The following CDC37 variants were observed in gnomAD, a reference collection of about 807,000 sequenced individuals.
CDC37 encodes cell division cycle 37, HSP90 cochaperone, also known as hsp90 co-chaperone Cdc37.
Under a neutral mutation model 46.9 loss-of-function variants are expected in CDC37, and 9 were observed. The observed-to-expected ratio is 0.19, with a 90% confidence interval of 0.12 to 0.33. CDC37 has a LOEUF of 0.33. Ranked by LOEUF, CDC37 falls within the 10% of genes least tolerant of loss-of-function variation. The pLI, the probability that CDC37 is intolerant of heterozygous loss-of-function variation, is 1.00. For synonymous variants in CDC37, 193 were observed against 191.0 expected (o/e 1.01, Z -0.09); for missense variants, 388 against 514.6 (o/e 0.75, Z 2.38).
chr19:10,397,243 T>G (rs950051590), intron 1 of CDC37, among the ~76,000 whole-genome samples: 30 of 139,754 alleles, frequency 2.1e-4, no homozygotes, highest in African/African-American at 5.5e-4. Context: ...CAAATGCTTG[T>G]TTTTTTTTTT....
rs2042502753 is a variant in CDC37 at position 10,398,459 on chromosome 19, C to A, written c.103-2256G>T. Among the ~76,000 whole-genome samples the A allele has an allele frequency of 1.3e-5, 2 of 152,254 alleles. No homozygotes were observed. Among genetic ancestry groups the A allele is most frequent in the Non-Finnish European group, 2.9e-5 (2 of 68,044 alleles). On this transcript the variant is annotated intron_variant, in intron 1 of 7. Coordinates refer to ENST00000222005, the MANE Select transcript of CDC37 (RefSeq NM_007065.4). This position sits in a 1 kb window ranked among gnomAD's most constrained non-coding sequence, Gnocchi z 4.2. ...CTGGAGGACAGCCTTGGGGCAACGG[C>A]CCCTGGGTCCTAGCCCACAGCCACC...
In CDC37 at chr19:10,393,226, T is replaced by A. The variant is rs1225791853; in HGVS notation, c.909+33A>T. The stretch of plus-strand genomic sequence containing the variant: ...GCCCTGGGGGGTCCCGCTCAGGGTC[T>A]TCCTGCTGCCCGCCTGGGCCGGGGA... On this transcript the variant is annotated intron_variant, in intron 6 of 7. Coordinates refer to ENST00000222005, the MANE Select transcript of CDC37 (RefSeq NM_007065.4). This position sits in a 1 kb window ranked among gnomAD's most constrained non-coding sequence, Gnocchi z 4.9. 1 of 1,612,908 alleles carries A rather than the reference T, an allele frequency of 6.2e-7. No individual in the cohort carries two copies. The highest frequency in any genetic ancestry group is 2.2e-5 in the East Asian group (1 of 44,872).
intron 7 of CDC37, among the ~76,000 whole-genome samples, 167 bp from the exon 8 acceptor site, chr19:10,391,873 C>T (rs1398864389): frequency 1.3e-5 from 2 of 152,198 alleles, no homozygotes; most frequent in East Asian, 1.9e-4. Flanking sequence ...GGTGCAATCT[C>T]GGTTCACTGC....
intron 1 of CDC37, among the ~76,000 whole-genome samples, chr19:10,399,746 A>G (rs752096038): frequency 8.6e-5 from 13 of 151,782 alleles, no homozygotes; most frequent in Non-Finnish European, 1.6e-4. Flanking sequence ...CCTGGCCAAC[A>G]TGGTGAAACC....
chr19:10,395,607 G>C (rs1167770457), intron 2 of CDC37, 64 bp from the exon 3 acceptor site: 1 of 1,284,352 alleles, frequency 7.8e-7, no homozygotes, highest in Non-Finnish European at 1.1e-6. Context: ...AGCGCGGCCG[G>C]GCGGGCCGTG....
chr19:10,395,141 T>C lies in CDC37; in HGVS notation c.606A>G (p.Lys202=), dbSNP rs1311957358. The change falls in exon 5 of 8, where the codon AAA becomes AAG. Residue 202 remains lysine, a splice_region_variant and synonymous_variant. Coordinates refer to ENST00000222005, the MANE Select transcript of CDC37 (RefSeq NM_007065.4). The stretch of plus-strand genomic sequence containing the variant: ...GGGCCACCTGCTCCATGAGTGCACA[T>C]TTCTGCCAGGAAGAACAGGCACAGC... The part of the protein sequence containing the change: ...IWCIDLEVEE[K]CALMEQVAHQ... 12 of 1,601,368 alleles carry C rather than the reference T, an allele frequency of 7.5e-6. No homozygotes were observed. The African/African-American group carries it at 9.4e-5, about 13-fold the overall frequency.
At position 10,398,547 on chromosome 19, in the gene CDC37, TCAAA is replaced by T. The variant is rs1490607236; in HGVS notation, c.103-2348_103-2345del. On this transcript the variant is annotated intron_variant, in intron 1 of 7. Transcript: ENST00000222005. This position sits in a 1 kb window ranked among gnomAD's most constrained non-coding sequence, Gnocchi z 4.2. ...CCTGTAACCTCAGTTTCCTCATCTG[TCAAA>T]CAGTCAACAATGCTGACTGCACAAG... Among the ~76,000 whole-genome samples, 1 of 152,294 alleles carries T rather than the reference TCAAA, an allele frequency of 6.6e-6. No individual in the cohort carries two copies. Among genetic ancestry groups the T allele is most frequent in the South Asian group, 2.1e-4 (1 of 4,822 alleles).
chr19:10,394,148 C>T (rs1227436097), intron 5 of CDC37, among the ~76,000 whole-genome samples: 1 of 152,122 alleles, frequency 6.6e-6, no homozygotes, highest in Non-Finnish European at 1.5e-5. Flanking sequence ...CCTGTAATCC[C>T]AGCTACTTGG....
rs143883928 is a variant in CDC37, at chr19:10,397,756, C to T, written c.103-1553G>A. On this transcript the variant is annotated intron_variant, in intron 1 of 7. Coordinates refer to ENST00000222005, the MANE Select transcript of CDC37 (RefSeq NM_007065.4). The stretch of plus-strand genomic sequence containing the variant: ...CCATAACCTTGCCCCAGGATCACTG[C>T]CAAGGCCCTCTTAGCTCTGTCTCCA... Among the ~76,000 whole-genome samples, 4 of 152,176 alleles carry T rather than the reference C, an allele frequency of 2.6e-5. No homozygotes were observed. The East Asian group carries it at 7.7e-4, about 29-fold the overall frequency.
intron 7 of CDC37, 95 bp from the exon 8 acceptor site, chr19:10,391,801 C>A (rs953172441): frequency 2.7e-5 from 35 of 1,296,760 alleles, no homozygotes; most frequent in South Asian, 6.6e-5. Flanking sequence ...TGGCTTCCTG[C>A]CTATTGATAT....
At position 10,395,556 on chromosome 19, in the gene CDC37, G is replaced by T; in HGVS notation, c.379-13C>A. The T allele has an allele frequency of 6.3e-7, 1 of 1,593,854 alleles. No individual in the cohort carries two copies. Among genetic ancestry groups the T allele is most frequent in the South Asian group, 1.1e-5 (1 of 90,662 alleles). On this transcript the variant is annotated splice_polypyrimidine_tract_variant and intron_variant, in intron 2 of 7. Transcript: ENST00000222005. ...TATTTACCATGCTCTGTGGTAGGGT[G>T]AGAGGGGGAGTGGGCTGGGGCAAGG...
Position 10,403,528 on chromosome 19 carries a change from G to C in CDC37, c.-49C>G. The C allele has an allele frequency of 7.0e-7, 1 of 1,425,722 alleles. No homozygotes were observed. Among genetic ancestry groups the C allele is most frequent in the Non-Finnish European group, 9.8e-7 (1 of 1,018,094 alleles). 88.3% of individuals were successfully genotyped at this position (1,425,722 alleles called of 1,614,324 possible). Reference sequence around the variant, plus strand: ...TCCGGCTCGGGTGGCGGCGACGGCGGCAGCAGTGGAGACTAGGAGCGCGGA... The same window carrying C: ...TCCGGCTCGGGTGGCGGCGACGGCGCCAGCAGTGGAGACTAGGAGCGCGGA... On this transcript the variant is annotated 5_prime_UTR_variant, in exon 1 of 8. Transcript: ENST00000222005.
chr19:10,398,862 T>C lies in CDC37; in HGVS notation c.103-2659A>G, dbSNP rs2042504427. Among the ~76,000 whole-genome samples, 1 of 152,210 alleles carries C rather than the reference T, an allele frequency of 6.6e-6. No individual in the cohort carries two copies. The highest frequency in any genetic ancestry group is 6.5e-5 in the Admixed American group (1 of 15,272). The stretch of plus-strand genomic sequence containing the variant: ...GACGGGAGATGGAACTTTGGCCATG[T>C]CACTGAAACCTTTCCCAGCCTTGGT... On this transcript the variant is annotated intron_variant, in intron 1 of 7. Coordinates refer to ENST00000222005, the MANE Select transcript of CDC37 (RefSeq NM_007065.4). This position sits in a 1 kb window ranked among gnomAD's most constrained non-coding sequence, Gnocchi z 4.2.
rs946325327 is a variant in CDC37, at chr19:10,393,500, G to A, written c.727-59C>T. The A allele has an allele frequency of 1.3e-6, 2 of 1,509,504 alleles. No individual in the cohort carries two copies. The highest frequency in any genetic ancestry group is 8.9e-7 in the Non-Finnish European group (1 of 1,123,840). The allele number at this position is 1,509,504 out of a possible 1,614,324, so 93.5% of individuals were successfully genotyped here. ...CCCAACGCTCAGGAGGGACTGGGGG[G>A]CCCAGGACCCTCCAGCCACAGCTCC... On this transcript the variant is annotated intron_variant, in intron 5 of 7. Transcript: ENST00000222005. This position sits in a 1 kb window ranked among gnomAD's most constrained non-coding sequence, Gnocchi z 4.9.
intron 1 of CDC37, among the ~76,000 whole-genome samples, chr19:10,399,221 C>G (rs2042505907): frequency 6.6e-6 from 1 of 152,120 alleles, no homozygotes; most frequent in African/African-American, 2.4e-5. Context: ...GTAATCCCAA[C>G]ACTTTGGGAG....
At chr19:10,392,993 G>C (rs780046863) in intron 7 of CDC37, 93 bp downstream of exon 7, 1 of 1,158,170 alleles carries the variant, frequency 8.6e-7, no homozygotes, top group East Asian at 2.3e-5. Context: ...CCTTGGAGGG[G>C]CACTTTCACC....
Position 10,395,619 on chromosome 19 carries a change from T to TCGCGGC in CDC37, c.379-77_379-76insGCCGCG, listed in dbSNP as rs775590977. On this transcript the variant is annotated intron_variant, in intron 2 of 7. Coordinates refer to ENST00000222005, the MANE Select transcript of CDC37 (RefSeq NM_007065.4). ...TCGAGCGCGGCCGGGCGGGCCGTGG[T>TCGCGGC]CGCAGCGCCCATCCCATCCACGGCG... 29 of 1,155,404 alleles carry TCGCGGC rather than the reference T, an allele frequency of 2.5e-5. No individual in the cohort carries two copies. The Admixed American group carries it at 4.6e-4, about 18-fold the overall frequency. 71.6% of individuals were successfully genotyped at this position (1,155,404 alleles called of 1,614,324 possible). A position where few individuals can be genotyped will look rare whatever the true frequency, so the allele number is the denominator to read the frequency against.
rs371406069 is a variant in CDC37 at position 10,395,211 on chromosome 19, G to A, written c.603+17C>T. On this transcript the variant is annotated intron_variant, in intron 4 of 7. Transcript: ENST00000222005. ...ATGGCAGCGCCTTTTCACAGTCCCG[G>A]GGAAAGCTCCACTCACCTCCTCCAC... The A allele has an allele frequency of 1.9e-6, 3 of 1,613,836 alleles. No homozygotes were observed. The highest frequency in any genetic ancestry group is 2.5e-6 in the Non-Finnish European group (3 of 1,179,958).
intron 1 of CDC37, among the ~76,000 whole-genome samples, chr19:10,401,837 T>G (rs781492038): frequency 6.6e-6 from 1 of 152,156 alleles, no homozygotes; most frequent in African/African-American, 2.4e-5. Context: ...TAGAAGGTTC[T>G]GAGAGGTATA....
Sources: allele counts gnomAD v4.1 joint callset (sites outside exome capture counted in the v4.1 genomes callset), GRCh38; gene constraint gnomAD v4.1.1; non-coding constraint Gnocchi (gnomAD v3.1); transcripts MANE v1.5; gene names NCBI Gene and HGNC (gene_info 2026-07-23, HGNC 2026-07-21).